The following CATSPER3 variants were observed in gnomAD, a reference collection of about 807,000 sequenced individuals.
The protein encoded by CATSPER3 is cation channel sperm associated 3, also known as cation channel sperm-associated protein 3.
CATSPER3 carries 23 observed loss-of-function variants against 36.6 expected under a neutral mutation model. The observed-to-expected ratio is 0.63, with a 90% CI of 0.45 to 0.89. CATSPER3 has a LOEUF of 0.89. Among genes scored for constraint, CATSPER3 ranks in the 40% least tolerant of loss-of-function variants. CATSPER3 has a pLI of 0.00. For synonymous variants in CATSPER3, 172 were observed against 184.1 expected, an observed-to-expected ratio of 0.93 and a Z score of 0.53; for missense variants, 474 against 503.9, an observed-to-expected ratio of 0.94 and a Z score of 0.57.
At chr5:134,999,252 TG>T (rs1257906031) in intron 3 of CATSPER3, among the ~76,000 whole-genome samples, 1 of 152,218 alleles carries the variant, frequency 6.6e-6, no homozygotes, top group Middle Eastern at 3.2e-3. Context: ...CTGAGGGCTC[TG>T]TTTTGTTCCA....
In CATSPER3 at chr5:134,968,054, A is replaced by G. The variant is rs1347063632; in HGVS notation, c.63A>G (p.Thr21=). 7.4e-6 allele frequency: 12 copies of G among 1,613,912 alleles called. No individual in the cohort carries two copies. Among genetic ancestry groups the G allele is most frequent in the Non-Finnish European group, 1.0e-5 (12 of 1,179,780 alleles). The change falls in exon 1 of 8, where the codon ACA becomes ACG. Residue 21 remains threonine, a synonymous_variant. Transcript: ENST00000282611. ...TTTCTAGTTCACCAGTTGACACTAC[A>G]TCGGTGGGATTTTGCCCAACATTCA... The part of the protein sequence containing the change: ...RVISSSPVDT[T]SVGFCPTFKK...
At chr5:134,980,195 T>C (rs1013892337) in intron 2 of CATSPER3, among the ~76,000 whole-genome samples, 5 of 151,958 alleles carry the variant, frequency 3.3e-5, no homozygotes, top group African/African-American at 1.2e-4. Flanking sequence ...TTGCCTAGGC[T>C]GGCCTTGAAC....
chr5:134,986,091 G>A (rs1751805164), intron 2 of CATSPER3, among the ~76,000 whole-genome samples: 1 of 151,384 alleles, frequency 6.6e-6, no homozygotes, highest in African/African-American at 2.4e-5. Context: ...GCAATGAAAC[G>A]GAACTACAGA....
chr5:134,996,897 A>G (rs533990345), intron 3 of CATSPER3, among the ~76,000 whole-genome samples: 2 of 152,204 alleles, frequency 1.3e-5, no homozygotes, highest in African/African-American at 4.8e-5. Flanking sequence ...TTGGTGGCCC[A>G]GGCCACTAGC....
intron 4 of CATSPER3, among the ~76,000 whole-genome samples, chr5:135,008,368 C>T (rs1200155153): frequency 1.3e-5 from 2 of 152,148 alleles, no homozygotes; most frequent in African/African-American, 4.8e-5. Context: ...ACATGTCTCA[C>T]AGGGTGATCA....
chr5:135,007,918 G>T (rs767046481), intron 3 of CATSPER3, 39 bp from the exon 4 acceptor site: 4 of 1,563,314 alleles, frequency 2.6e-6, no homozygotes, highest in Non-Finnish European at 2.6e-6. Flanking sequence ...CACCCAGCTT[G>T]GTGGTACCCT....
intron 2 of CATSPER3, among the ~76,000 whole-genome samples, chr5:134,971,898 A>G (rs2149544949): frequency 6.6e-6 from 1 of 152,330 alleles, no homozygotes; most frequent in Middle Eastern, 3.4e-3. Flanking sequence ...ACACAACACA[A>G]AAGCAGAAGA....
In CATSPER3 at chr5:135,008,929, C is replaced by A; in HGVS notation, c.764C>A (p.Ala255Asp). The change falls in exon 5 of 8, where the codon GCC (alanine) becomes GAC (aspartate). Residue 255 changes from alanine to aspartate, a missense_variant. Coordinates refer to ENST00000282611, the MANE Select transcript of CATSPER3 (RefSeq NM_178019.3). ...RAFTIIFILL[A>D]SFIFLNMFVG... ...TTCACCATCATCTTCATCTTGCTCG[C>A]CTCTTTCATCTTCCTCAACATGTTC... is the stretch of plus-strand genomic sequence containing the variant. 1 of 1,613,918 alleles carries A rather than the reference C, an allele frequency of 6.2e-7. No homozygotes were observed. Among genetic ancestry groups the A allele is most frequent in the Admixed American group, 1.7e-5 (1 of 60,036 alleles).
At chr5:134,985,852 CTG>C (rs1419182711) in intron 2 of CATSPER3, among the ~76,000 whole-genome samples, 1 of 151,616 alleles carries the variant, frequency 6.6e-6, no homozygotes, top group Admixed American at 6.6e-5. Context: ...TGAGCCATGA[CTG>C]TGTCACTGCA....
intron 2 of CATSPER3, among the ~76,000 whole-genome samples, chr5:134,986,458 C>CTTT (rs61671231): frequency 1.5e-4 from 17 of 116,604 alleles, no homozygotes; most frequent in Non-Finnish European, 2.2e-4. Flanking sequence ...ACAGCATACC[C>CTTT]TTTTTTTTTT....
intron 2 of CATSPER3, among the ~76,000 whole-genome samples, chr5:134,988,460 C>A (rs183015291): frequency 6.6e-6 from 1 of 152,362 alleles, no homozygotes; most frequent in Non-Finnish European, 1.5e-5. Context: ...CCAATCCTCT[C>A]AAACCCTGCC....
chr5:134,991,114 A>G (rs142003315), intron 2 of CATSPER3, among the ~76,000 whole-genome samples: 1 of 152,352 alleles, frequency 6.6e-6, no homozygotes, highest in East Asian at 1.9e-4. Context: ...TGAAAACTAT[A>G]AAACATTGCT....
chr5:134,981,902 G>T (rs1386292543), intron 2 of CATSPER3, among the ~76,000 whole-genome samples: 1 of 152,182 alleles, frequency 6.6e-6, no homozygotes, highest in African/African-American at 2.4e-5. Flanking sequence ...GGCTGAGGTG[G>T]GTGGATCACT....
At chr5:134,979,349 C>T (rs1018059096) in intron 2 of CATSPER3, among the ~76,000 whole-genome samples, 5 of 152,144 alleles carry the variant, frequency 3.3e-5, no homozygotes, top group Non-Finnish European at 5.9e-5. Flanking sequence ...GCTGCCCAGG[C>T]TGGTCTCAGA....
chr5:134,982,452 G>A (rs1289810079), intron 2 of CATSPER3, among the ~76,000 whole-genome samples: 4 of 152,080 alleles, frequency 2.6e-5, no homozygotes, highest in Non-Finnish European at 5.9e-5. Flanking sequence ...AACAGCAAGG[G>A]ATAAGCAAGT....
chr5:135,008,101 C>G lies in CATSPER3; in HGVS notation c.637C>G (p.Leu213Val), dbSNP rs770547827. The G allele has an allele frequency of 4.3e-6, 7 of 1,614,048 alleles. 1 individual carries two copies. Among genetic ancestry groups the G allele is most frequent in the Middle Eastern group, 1.6e-4 (1 of 6,084 alleles). ...TGGTGACCATGATAACTGGGGGAAC[C>G]TGGCTGCAGCTTTTTTCACCCTCTT... is the stretch of plus-strand genomic sequence containing the variant. ...DNGDHDNWGN[L>V]AAAFFTLFSL... The change falls in exon 4 of 8, where the codon CTG (leucine) becomes GTG (valine). Residue 213 changes from leucine to valine, a missense_variant. Coordinates refer to ENST00000282611, the MANE Select transcript of CATSPER3 (RefSeq NM_178019.3).
intron 4 of CATSPER3, 47 bp downstream of exon 4, chr5:135,008,186 A>G (rs778986665): frequency 1.3e-6 from 2 of 1,520,516 alleles, no homozygotes; most frequent in South Asian, 1.1e-5. Context: ...TTAGGAAGGG[A>G]CAGCCTAGGT....
chr5:134,987,652 C>A (rs1459894015), intron 2 of CATSPER3, among the ~76,000 whole-genome samples: 1 of 151,784 alleles, frequency 6.6e-6, no homozygotes, highest in Non-Finnish European at 1.5e-5. Context: ...AAGGGTGATT[C>A]AAAATACAAA....
At chr5:134,984,591 A>C (rs960536961) in intron 2 of CATSPER3, among the ~76,000 whole-genome samples, 1 of 152,252 alleles carries the variant, frequency 6.6e-6, no homozygotes, top group African/African-American at 2.4e-5. Flanking sequence ...CCCAGCCAGA[A>C]TAGCCATTAT....
Sources: gnomAD v4.1 joint callset for allele counts (sites outside exome capture counted in the v4.1 genomes callset) on GRCh38, gnomAD v4.1.1 for gene constraint, MANE v1.5 for transcripts, NCBI Gene and HGNC (gene_info 2026-07-23, HGNC 2026-07-21) for gene names.